CAPG: variants seen among roughly 807,000 people sequenced by gnomAD.
The protein encoded by CAPG is macrophage-capping protein.
A neutral mutation model predicts 44.6 loss-of-function variants in CAPG; 32 were observed. That is an observed-to-expected ratio of 0.72 (90% CI 0.54 to 0.96). The LOEUF (loss-of-function observed/expected upper bound fraction) is 0.96. Among genes scored for constraint, CAPG ranks in the 50% least tolerant of loss-of-function variants. CAPG has a pLI of 0.00. For missense variants in CAPG, 412 were observed against 438.3 expected (o/e 0.94, Z 0.54); for synonymous variants, 175 against 179.6 (o/e 0.97, Z 0.20).
At chr2:85,414,023 GCCGCCCC>G (rs965021321), upstream of CAPG, 1 of 152,384 alleles carries the variant, frequency 6.6e-6, no homozygotes, top group Admixed American at 6.5e-5. Context: ...CGCTGTCTCA[GCCGCCCC>G]CCGCCCCCTG....
At chr2:85,406,458 C>G (rs1311299921) in intron 1 of CAPG, among the ~76,000 whole-genome samples, 1 of 152,160 alleles carries the variant, frequency 6.6e-6, no homozygotes, top group African/African-American at 2.4e-5. Flanking sequence ...ACCCCCTACC[C>G]TTGATATCTG....
At chr2:85,400,315 CCT>C (rs796570119) in intron 5 of CAPG, among the ~76,000 whole-genome samples, 31 of 152,308 alleles carry the variant, frequency 2.0e-4, no homozygotes, top group South Asian at 1.4e-3. Context: ...AGGCAGAGCC[CCT>C]GTCACCTCTC....
Position 85,407,892 on chromosome 2 carries a change from G to C in CAPG, c.-14+2425C>G, listed in dbSNP as rs531862569. Among the ~76,000 whole-genome samples, 124 of 152,200 alleles carry C rather than the reference G, an allele frequency of 8.1e-4. 1 individual carries two copies. The highest frequency in any genetic ancestry group is 2.7e-3 in the African/African-American group (113 of 41,540). ...GGTTGAAACTCCTGCTGCCTCATTAGATCTCTGTCCCGAGACCTTTTGTTC... is the reference window on the plus strand; with the variant it reads ...GGTTGAAACTCCTGCTGCCTCATTACATCTCTGTCCCGAGACCTTTTGTTC... On this transcript the variant is annotated intron_variant, in intron 1 of 9. Transcript: ENST00000263867.
chr2:85,391,962 C>T (rs1456307741), downstream of CAPG, among the ~76,000 whole-genome samples: 1 of 152,196 alleles, frequency 6.6e-6, no homozygotes. Context: ...CTTACAAGCC[C>T]AGAGACTCCT....
upstream of CAPG, among the ~76,000 whole-genome samples, chr2:85,412,229 T>G (rs1687435070): frequency 6.6e-6 from 1 of 152,190 alleles, no homozygotes; most frequent in East Asian, 1.9e-4. Context: ...TAGGGTAATA[T>G]GGGCCGGGCG....
chr2:85,398,331 T>C, intron 7 of CAPG, 179 bp from the exon 8 acceptor site: 1 of 670,654 alleles, frequency 1.5e-6, no homozygotes, highest in Non-Finnish European at 2.5e-6. Context: ...GCAGCCCCAC[T>C]CCCTCTCATC....
At chr2:85,398,649 C>T (rs1362683186) in intron 7 of CAPG, 41 bp downstream of exon 7, 1 of 1,499,980 alleles carries the variant, frequency 6.7e-7, no homozygotes, top group South Asian at 1.2e-5. Context: ...GGCTCCCACC[C>T]TCCCTGCTGC....
Position 85,401,948 on chromosome 2 carries a change from TG to T in CAPG, c.32del (p.Pro11HisfsTer19), listed in dbSNP as rs552815819. The T allele has an allele frequency of 2.5e-6, 4 of 1,613,890 alleles. No homozygotes were observed. The highest frequency in any genetic ancestry group is 3.4e-6 in the Non-Finnish European group (4 of 1,179,994). ...CTGGATCCTGCACTGAGCCTGGGAATGGAGAGCCACTGCGAGAAGAGAGAGG... is the reference window on the plus strand; with the variant it reads ...CTGGATCCTGCACTGAGCCTGGGAATGAGAGCCACTGCGAGAAGAGAGAGG... MYTAIPQSGSPFPGSVQDPGL... is the reference protein window; with the variant it reads MYTAIPQSGSXFPGSVQDPGL... On this transcript the variant is annotated frameshift_variant, in exon 3 of 10. Transcript: ENST00000263867. LOFTEE classifies it high-confidence loss of function.
intron 5 of CAPG, among the ~76,000 whole-genome samples, chr2:85,399,496 C>G (rs1339917524): frequency 1.3e-5 from 2 of 152,166 alleles, no homozygotes; most frequent in African/African-American, 2.4e-5. Context: ...ATCTGTCTTC[C>G]TTTCTTTTTT....
Position 85,401,931 on chromosome 2 carries a change from T to C in CAPG, c.50A>G (p.Gln17Arg). Residue 17 changes from glutamine to arginine, a missense_variant, in exon 3 of 10, where the codon CAG (glutamine) becomes CGG (arginine). Coordinates refer to ENST00000263867, the MANE Select transcript of CAPG (RefSeq NM_001747.4). The stretch of plus-strand genomic sequence containing the variant: ...CCGCCACACATGCAGGCCTGGATCC[T>C]GCACTGAGCCTGGGAATGGAGAGCC... ...QSGSPFPGSV[Q>R]DPGLHVWRVE... The C allele has an allele frequency of 3.7e-6, 6 of 1,614,020 alleles. No individual in the cohort carries two copies. Among genetic ancestry groups the C allele is most frequent in the Non-Finnish European group, 5.1e-6 (6 of 1,180,002 alleles).
chr2:85,412,369 CG>C (rs544519394), upstream of CAPG, among the ~76,000 whole-genome samples: 236 of 152,148 alleles, frequency 1.6e-3, 2 homozygotes, highest in African/African-American at 5.4e-3. Context: ...AAAAATTAGC[CG>C]GGGGTGGTGG....
intron 1 of CAPG, among the ~76,000 whole-genome samples, chr2:85,406,182 C>T (rs1315428393): frequency 1.3e-5 from 2 of 150,602 alleles, no homozygotes; most frequent in Non-Finnish European, 1.5e-5. Context: ...ACCTGGGAGG[C>T]GGAGGTTGCA....
intron 1 of CAPG, among the ~76,000 whole-genome samples, chr2:85,406,782 C>T (rs901788334): frequency 7.3e-5 from 11 of 151,470 alleles, no homozygotes; most frequent in Non-Finnish European, 1.3e-4. Context: ...CACTTGAACC[C>T]GGAAGGCAGA....
rs773528263 is a variant in CAPG at position 85,401,567 on chromosome 2, G to A, written c.313C>T (p.Leu105Phe). 3.1e-6 allele frequency: 5 copies of A among 1,614,066 alleles called. No homozygotes were observed. The East Asian group carries it at 8.9e-5, about 29-fold the overall frequency. The stretch of plus-strand genomic sequence containing the variant: ...CCCCGTGGGAAGTAGCTCATGAAGA[G>A]GTCAGACTCATTGCCCTGCACCTCG... ...HREVQGNESD[L>F]FMSYFPRGLK... Residue 105 changes from leucine to phenylalanine, a missense_variant, in exon 4 of 10, where the codon CTC becomes TTC. Physicochemically the swap from Leu to Phe is conservative, Grantham distance 22 (BLOSUM62 0). Coordinates refer to ENST00000263867, the MANE Select transcript of CAPG (RefSeq NM_001747.4).
Position 85,401,281 on chromosome 2 carries a change from C to G in CAPG, c.400G>C (p.Ala134Pro). 5 of 1,614,186 alleles carry G rather than the reference C, an allele frequency of 3.1e-6. No individual in the cohort carries two copies. Among genetic ancestry groups the G allele is most frequent in the Non-Finnish European group, 4.2e-6 (5 of 1,180,046 alleles). ...AFHKTSTGAP[A>P]AIKKLYQVKG... ...ACCTGGTAGAGTTTCTTGATGGCAG[C>G]TGGGGCTCCTGTGGAGGTCTTGTGA... The change falls in exon 5 of 10, where the codon GCT becomes CCT. Residue 134 changes from alanine (A) to proline (P), a missense_variant. Transcript: ENST00000263867.
At chr2:85,396,567 C>T (rs1283455072) in intron 8 of CAPG, among the ~76,000 whole-genome samples, 1 of 152,164 alleles carries the variant, frequency 6.6e-6, no homozygotes, top group Non-Finnish European at 1.5e-5. Context: ...CCATGAGATC[C>T]TTCTCTTCCT....
rs561605889 is a variant in CAPG at position 85,398,823 on chromosome 2, C to T, written c.667-41G>A. The T allele has an allele frequency of 1.9e-5, 28 of 1,452,728 alleles. No individual in the cohort carries two copies. The East Asian group carries it at 5.3e-4, about 27-fold the overall frequency. The allele number at this position is 1,452,728 out of a possible 1,614,324, so 90.0% of individuals were successfully genotyped here. ...CAGGCCAGGTTTATAGGGACCCCTG[C>T]CCTGGAACTTCCCAGCCCATCATGC... On this transcript the variant is annotated intron_variant, in intron 6 of 9. Transcript: ENST00000263867.
At chr2:85,394,396 C>T (rs369785020), downstream of CAPG, among the ~76,000 whole-genome samples, 4 of 152,356 alleles carry the variant, frequency 2.6e-5, no homozygotes, top group East Asian at 7.7e-4. Flanking sequence ...TCCTCTCTTG[C>T]TCAGTGGGCA....
At chr2:85,402,057 G>A in intron 2 of CAPG, 66 bp downstream of exon 2, 3 of 1,607,354 alleles carry the variant, frequency 1.9e-6, no homozygotes, top group Non-Finnish European at 2.6e-6. Flanking sequence ...GGAGAGCAGT[G>A]GGGAGGGGCA....
Sources: allele counts gnomAD v4.1 joint callset (sites outside exome capture counted in the v4.1 genomes callset), GRCh38; gene constraint gnomAD v4.1.1; transcripts MANE v1.5; gene names NCBI Gene and HGNC (gene_info 2026-07-23, HGNC 2026-07-21).